Variants in B3GALT5 observed in about 807,000 individuals in gnomAD.
B3GALT5 encodes beta-1,3-galactosyltransferase 5.
For missense variants in B3GALT5, 328 were observed against 396.6 expected (o/e 0.83, Z 1.47); for synonymous variants, 156 against 158.6 (o/e 0.98, Z 0.12).
rs1172644007 is a variant in B3GALT5, at chr21:39,667,294, C to G, written c.*5802C>G. 6.6e-6 allele frequency: 1 copy of G among 152,250 alleles called. No individual in the cohort carries two copies. The highest frequency in any genetic ancestry group is 2.4e-5 in the African/African-American group (1 of 41,470). 9.4% of individuals were successfully genotyped at this position (152,250 alleles called of 1,614,324 possible). A position where few individuals can be genotyped will look rare whatever the true frequency, so the allele number is the denominator to read the frequency against. On this transcript the variant is annotated 3_prime_UTR_variant, in exon 4 of 4. Coordinates refer to ENST00000684187, the MANE Select transcript of B3GALT5 (RefSeq NM_001356336.2). ...CCGGGTGCTGCACCGGTTATCCCAA[C>G]AGGCTGGCACAGAGGGCTGAAATGG...
intron 2 of B3GALT5, among the ~76,000 whole-genome samples, chr21:39,650,620 G>A (rs932293867): frequency 2.6e-5 from 4 of 152,164 alleles, no homozygotes; most frequent in Non-Finnish European, 5.9e-5. Context: ...GTTCATACCT[G>A]CGTGCAGATG....
chr21:39,654,698 G>A (rs548960806), intron 2 of B3GALT5, among the ~76,000 whole-genome samples: 4 of 152,188 alleles, frequency 2.6e-5, no homozygotes, highest in South Asian at 2.1e-4. Context: ...AAATTGTCAC[G>A]ACCACCCCAA....
intron 1 of B3GALT5, among the ~76,000 whole-genome samples, chr21:39,624,174 T>C (rs765613933): frequency 4.6e-5 from 7 of 152,244 alleles, no homozygotes; most frequent in Admixed American, 6.5e-5. Context: ...GGGAAACTAT[T>C]AATGAAACTT....
intron 1 of B3GALT5, among the ~76,000 whole-genome samples, chr21:39,627,543 C>A (rs1475753824): frequency 6.6e-6 from 1 of 151,956 alleles, no homozygotes; most frequent in Non-Finnish European, 1.5e-5. Context: ...TTCAGTCGAT[C>A]CCCTTTCACC....
intron 1 of B3GALT5, among the ~76,000 whole-genome samples, chr21:39,639,287 G>GCTCTTTCTTT (rs1356856806): frequency 8.0e-5 from 10 of 124,810 alleles, no homozygotes; most frequent in African/African-American, 2.6e-4. Context: ...CAGGCATCTG[G>GCTCTTTCTTT]CTCTTTCTTT....
rs1385329207 is a variant in B3GALT5, at chr21:39,661,444, C to T, written c.885C>T (p.Tyr295=). 1 of 1,525,244 alleles carries T rather than the reference C, an allele frequency of 6.6e-7. No homozygotes were observed. The highest frequency in any genetic ancestry group is 2.2e-5 in the Admixed American group (1 of 46,302). 94.5% of individuals were successfully genotyped at this position (1,525,244 alleles called of 1,614,324 possible). A position where few individuals can be genotyped will look rare whatever the true frequency, so the allele number is the denominator to read the frequency against. The change falls in exon 4 of 4, where the codon TAC becomes TAT. Residue 295 remains tyrosine, a synonymous_variant. Coordinates refer to ENST00000684187, the MANE Select transcript of B3GALT5 (RefSeq NM_001356336.2). This position sits in a 1 kb window ranked among gnomAD's most constrained non-coding sequence, Gnocchi z 4.7. ...HFIKPRTLLD[Y]WQALENSRGE... ...TCAAGCCTCGGACTCTCTTGGACTA[C>T]TGGCAGGCTCTAGAGAATTCCCGGG...
At chr21:39,654,042 A>G (rs1281426496) in intron 2 of B3GALT5, among the ~76,000 whole-genome samples, 2 of 152,210 alleles carry the variant, frequency 1.3e-5, no homozygotes, top group Non-Finnish European at 2.9e-5. Context: ...ATTCTTGATC[A>G]TGTCTTAGTG....
intron 1 of B3GALT5, among the ~76,000 whole-genome samples, chr21:39,627,048 A>AG (rs1010300846): frequency 3.3e-5 from 5 of 151,902 alleles, no homozygotes; most frequent in African/African-American, 9.7e-5. Context: ...GGTACTGTGG[A>AG]GGGGGGGATT....
intron 1 of B3GALT5, among the ~76,000 whole-genome samples, chr21:39,623,220 TC>T (rs1282670252): frequency 2.2e-4 from 10 of 45,454 alleles, no homozygotes. Flanking sequence ...CCTCCCTCCC[TC>T]CCTCCCTCCC....
intron 1 of B3GALT5, among the ~76,000 whole-genome samples, chr21:39,632,057 C>T (rs1389525436): frequency 2.0e-5 from 3 of 152,140 alleles, no homozygotes; most frequent in Admixed American, 6.5e-5. Flanking sequence ...TTTCAAGTGT[C>T]GGAGCGGAAC....
In B3GALT5 at chr21:39,621,784, CTG is replaced by C. The variant is rs554149791; in HGVS notation, c.-392+8719_-392+8720del. On this transcript the variant is annotated intron_variant, in intron 1 of 3. Coordinates refer to ENST00000684187, the MANE Select transcript of B3GALT5 (RefSeq NM_001356336.2). ...TTTTGACTTTAAATATGATTTATTTCTGTCTCTTTTTTTCTTGTTAAATCTTG... is the reference window on the plus strand; with the variant it reads ...TTTTGACTTTAAATATGATTTATTTCTCTCTTTTTTTCTTGTTAAATCTTG... Among the ~76,000 whole-genome samples the C allele has an allele frequency of 2.3e-4, 35 of 151,906 alleles. 1 individual carries two copies. The highest frequency in any genetic ancestry group is 8.2e-4 in the African/African-American group (34 of 41,464).
Position 39,668,359 on chromosome 21 carries a change from C to T in B3GALT5, c.*6867C>T, listed in dbSNP as rs1418031899. 6.6e-6 allele frequency: 1 copy of T among 152,194 alleles called. No individual in the cohort carries two copies. The highest frequency in any genetic ancestry group is 2.4e-5 in the African/African-American group (1 of 41,430). The allele number at this position is 152,194 out of a possible 1,614,324, so 9.4% of individuals were successfully genotyped here. ...TTGCAGACCCAGGCTCTAAGCTAGC[C>T]TCTGCAAACTCAGGATATATATTCC... On this transcript the variant is annotated 3_prime_UTR_variant, in exon 4 of 4. Transcript: ENST00000684187.
intron 1 of B3GALT5, among the ~76,000 whole-genome samples, chr21:39,632,770 T>A (rs1447719061): frequency 6.6e-6 from 1 of 151,916 alleles, no homozygotes; most frequent in Non-Finnish European, 1.5e-5. Context: ...ATTCTGGTGG[T>A]AGGGATGGGG....
In B3GALT5 at chr21:39,671,398, CTGTT is replaced by C. The variant is rs1316136991; in HGVS notation, c.*9909_*9912del. Reference sequence around the variant, plus strand: ...AGTTCTTCCAGCCTGATTCCTCTCTCTGTTTGGGTCTCTGGCATGGTGCCTGCTG... The same window carrying C: ...AGTTCTTCCAGCCTGATTCCTCTCTCTGGGTCTCTGGCATGGTGCCTGCTG... On this transcript the variant is annotated 3_prime_UTR_variant, in exon 4 of 4. Transcript: ENST00000684187. The C allele has an allele frequency of 6.6e-6, 1 of 152,168 alleles. No homozygotes were observed. The highest frequency in any genetic ancestry group is 1.5e-5 in the Non-Finnish European group (1 of 68,048). The allele number at this position is 152,168 out of a possible 1,614,324, so 9.4% of individuals were successfully genotyped here.
rs1391088371 is a variant in B3GALT5, at chr21:39,669,053, A to G, written c.*7561A>G. ...TGTCTGGTGATCTCTGTGCAAATCAAAAACTCTTCAGATTGAGTCTGTAGG... is the reference window on the plus strand; with the variant it reads ...TGTCTGGTGATCTCTGTGCAAATCAGAAACTCTTCAGATTGAGTCTGTAGG... On this transcript the variant is annotated 3_prime_UTR_variant, in exon 4 of 4. Coordinates refer to ENST00000684187, the MANE Select transcript of B3GALT5 (RefSeq NM_001356336.2). 6.6e-6 allele frequency: 1 copy of G among 152,194 alleles called. No individual in the cohort carries two copies. The highest frequency in any genetic ancestry group is 1.5e-5 in the Non-Finnish European group (1 of 68,034). The allele number at this position is 152,194 out of a possible 1,614,324, so 9.4% of individuals were successfully genotyped here. A position where few individuals can be genotyped will look rare whatever the true frequency, so the allele number is the denominator to read the frequency against.
At position 39,662,818 on chromosome 21, in the gene B3GALT5, A is replaced by G. The variant is rs2079542158; in HGVS notation, c.*1326A>G. On this transcript the variant is annotated 3_prime_UTR_variant, in exon 4 of 4. Transcript: ENST00000684187. ...TTTTCTTTTAATTTTTTACTTTACCAGACTTTACTTTGTACTCAGAGAAGA... is the reference window on the plus strand; with the variant it reads ...TTTTCTTTTAATTTTTTACTTTACCGGACTTTACTTTGTACTCAGAGAAGA... 6.0e-6 allele frequency: 1 copy of G among 167,060 alleles called. No individual in the cohort carries two copies. Among genetic ancestry groups the G allele is most frequent in the Non-Finnish European group, 1.5e-5 (1 of 68,116 alleles). 10.3% of individuals were successfully genotyped at this position (167,060 alleles called of 1,614,324 possible).
chr21:39,629,073 G>A (rs1311671403), intron 1 of B3GALT5, among the ~76,000 whole-genome samples: 1 of 151,824 alleles, frequency 6.6e-6, no homozygotes, highest in Non-Finnish European at 1.5e-5. Context: ...GTGCAGTGGT[G>A]CCTGATCTTG....
rs1020546817 is a variant in B3GALT5, at chr21:39,667,224, C to T, written c.*5732C>T. The T allele has an allele frequency of 6.6e-6, 1 of 152,196 alleles. No individual in the cohort carries two copies. The highest frequency in any genetic ancestry group is 1.9e-4 in the East Asian group (1 of 5,194). 9.4% of individuals were successfully genotyped at this position (152,196 alleles called of 1,614,324 possible). On this transcript the variant is annotated 3_prime_UTR_variant, in exon 4 of 4. Coordinates refer to ENST00000684187, the MANE Select transcript of B3GALT5 (RefSeq NM_001356336.2). ...TTTGCTAAGTTAACTTTGGCCACGC[C>T]GTCCGTGAGAGGTCAGACTGGTGAT...
chr21:39,630,428 A>C lies in B3GALT5; in HGVS notation c.-391-15964A>C. On this transcript the variant is annotated intron_variant, in intron 1 of 3. Transcript: ENST00000684187. ...AATACCCCCTTTGACACTCGTGGCC[A>C]CACTCTTCCGCCATGCCCATTACAG... The C allele has an allele frequency of 1.3e-5, 2 of 150,216 alleles. 1 individual carries two copies. Among genetic ancestry groups the C allele is most frequent in the Non-Finnish European group, 2.9e-5 (2 of 67,992 alleles). The allele number at this position is 150,216 out of a possible 1,614,324, so 9.3% of individuals were successfully genotyped here. A position where few individuals can be genotyped will look rare whatever the true frequency, so the allele number is the denominator to read the frequency against.
Sources: gnomAD v4.1 joint callset for allele counts (sites outside exome capture counted in the v4.1 genomes callset) on GRCh38, gnomAD v4.1.1 for gene constraint, Gnocchi (gnomAD v3.1) non-coding constraint, MANE v1.5 for transcripts, NCBI Gene and HGNC (gene_info 2026-07-23, HGNC 2026-07-21) for gene names.